Variants in PCDHGA7 observed in about 807,000 individuals in gnomAD.
PCDHGA7 encodes protocadherin gamma subfamily A, 7.
Under a neutral mutation model 58.3 loss-of-function variants are expected in PCDHGA7, and 44 were observed. The ratio of observed to expected loss-of-function variants is 0.75; its 90% CI spans 0.59 to 0.97. PCDHGA7 has a LOEUF of 0.97. PCDHGA7 is among the 50% of genes least tolerant of loss of function. PCDHGA7 has a pLI of 0.00. For missense variants in PCDHGA7, 1,266 were observed against 1,188.7 expected, an observed-to-expected ratio of 1.06 and a Z score of -0.96; for synonymous variants, 516 against 504.2, an observed-to-expected ratio of 1.02 and a Z score of -0.31.
At chr5:141,417,702 A>G (rs2096149298) in intron 1 of PCDHGA7, 2 of 1,199,336 alleles carry the variant, frequency 1.7e-6, no homozygotes, top group Non-Finnish European at 1.1e-6. Context: ...CAGCTCCCAC[A>G]CAGAGGCTCC....
At position 141,511,238 on chromosome 5, in the gene PCDHGA7, G is replaced by A; in HGVS notation, c.*65G>A. ...CAACCAGCCCAGCTTCTCCTTACCT[G>A]CACCCAGGCCTCAGAGTTTCAGGGC... On this transcript the variant is annotated 3_prime_UTR_variant, in exon 4 of 4. Coordinates refer to ENST00000518325, the MANE Select transcript of PCDHGA7 (RefSeq NM_018920.4). 6.3e-7 allele frequency: 1 copy of A among 1,589,142 alleles called. No homozygotes were observed. The highest frequency in any genetic ancestry group is 2.3e-5 in the East Asian group (1 of 43,302).
At chr5:141,454,625 C>T (rs1193628253) in intron 1 of PCDHGA7, among the ~76,000 whole-genome samples, 2 of 151,512 alleles carry the variant, frequency 1.3e-5, no homozygotes, top group East Asian at 1.9e-4. Flanking sequence ...AGGCTGGTCT[C>T]GAACCCCCAA....
At chr5:141,427,361 A>C in intron 1 of PCDHGA7, 1 of 457,772 alleles carries the variant, frequency 2.2e-6, no homozygotes, top group Non-Finnish European at 4.4e-6. Flanking sequence ...AGGACGCAGA[A>C]CCCTGGACGG....
chr5:141,415,837 A>G (rs1232795581), intron 1 of PCDHGA7: 1 of 1,272,340 alleles, frequency 7.9e-7, no homozygotes, highest in Admixed American at 4.0e-5. Flanking sequence ...TGTTATGATT[A>G]GCTTTGCAGA....
intron 1 of PCDHGA7, chr5:141,390,308 T>A (rs768472507): frequency 1.2e-6 from 2 of 1,613,092 alleles, no homozygotes; most frequent in African/African-American, 2.7e-5. Context: ...TATAATTTAA[T>A]GCTCATTGCC....
chr5:141,468,458 G>A (rs1047447240), intron 1 of PCDHGA7: 3 of 152,134 alleles, frequency 2.0e-5, no homozygotes, highest in African/African-American at 7.2e-5. Flanking sequence ...ATTAAAGCAA[G>A]TTATTTCTGA....
chr5:141,486,728 G>T lies in PCDHGA7; in HGVS notation c.2425-8079G>T. On this transcript the variant is annotated intron_variant, in intron 1 of 3. Coordinates refer to ENST00000518325, the MANE Select transcript of PCDHGA7 (RefSeq NM_018920.4). This position sits in a 1 kb window ranked among gnomAD's most constrained non-coding sequence, Gnocchi z 5.0. Reference sequence around the variant, plus strand: ...GAACCCCCAGACAGGAGCTGTTCATGCTACTCGATCCTTTGACTATGAGCA... The same window carrying T: ...GAACCCCCAGACAGGAGCTGTTCATTCTACTCGATCCTTTGACTATGAGCA... The T allele has an allele frequency of 6.2e-7, 1 of 1,614,200 alleles. No individual in the cohort carries two copies. The highest frequency in any genetic ancestry group is 8.5e-7 in the Non-Finnish European group (1 of 1,180,052).
intron 1 of PCDHGA7, chr5:141,421,930 G>T (rs780569992): frequency 3.1e-6 from 5 of 1,613,480 alleles, no homozygotes; most frequent in Non-Finnish European, 4.2e-6. Context: ...GGTGGTCCTC[G>T]ATGTAAATGA....
intron 1 of PCDHGA7, among the ~76,000 whole-genome samples, chr5:141,401,848 T>C (rs1476670200): frequency 6.6e-6 from 1 of 152,230 alleles, no homozygotes; most frequent in Non-Finnish European, 1.5e-5. Flanking sequence ...TACCACTTAC[T>C]TTTAACCTTT....
At chr5:141,388,611 A>T (rs773007125) in intron 1 of PCDHGA7, 13 of 1,613,850 alleles carry the variant, frequency 8.1e-6, no homozygotes, top group Non-Finnish European at 6.8e-6. Context: ...TCCAGTGTTC[A>T]GTCAAGACGT....
chr5:141,409,480 C>G, intron 1 of PCDHGA7: 1 of 1,614,002 alleles, frequency 6.2e-7, no homozygotes, highest in Non-Finnish European at 8.5e-7. Context: ...TAGCCACTGA[C>G]AGGGGCAAGC....
At chr5:141,455,920 C>T (rs941360102) in intron 1 of PCDHGA7, among the ~76,000 whole-genome samples, 1 of 147,944 alleles carries the variant, frequency 6.8e-6, no homozygotes, top group Non-Finnish European at 1.5e-5. Context: ...TATTTTGAGA[C>T]GGAGTCTCGC....
intron 1 of PCDHGA7, chr5:141,408,371 A>C (rs2095092452): frequency 6.2e-7 from 1 of 1,613,848 alleles, no homozygotes; most frequent in Non-Finnish European, 8.5e-7. Flanking sequence ...TCTAGGGCTC[A>C]GTGTCCTGGA....
At position 141,491,623 on chromosome 5, in the gene PCDHGA7, G is replaced by A. The variant is rs767724749; in HGVS notation, c.2425-3184G>A. The A allele has an allele frequency of 3.7e-6, 6 of 1,613,812 alleles. No homozygotes were observed. The highest frequency in any genetic ancestry group is 2.7e-5 in the African/African-American group (2 of 74,938). On this transcript the variant is annotated intron_variant, in intron 1 of 3. Transcript: ENST00000518325. This position sits in a 1 kb window ranked among gnomAD's most constrained non-coding sequence, Gnocchi z 6.9. ...CTTCACTTTTCTAAGACCCCTCAGC[G>A]TTCAGCAGCCCACAGCTCTGGCGCT...
At position 141,477,415 on chromosome 5, in the gene PCDHGA7, A is replaced by T. The variant is rs771293212; in HGVS notation, c.2425-17392A>T. On this transcript the variant is annotated intron_variant, in intron 1 of 3. Coordinates refer to ENST00000518325, the MANE Select transcript of PCDHGA7 (RefSeq NM_018920.4). This position sits in a 1 kb window ranked among gnomAD's most constrained non-coding sequence, Gnocchi z 4.9. ...TCAGCATCACCGCCCGAGACGCCGG[A>T]ACCCCTTCCCTCTCAGCCCTTACAA... 12 of 1,614,162 alleles carry T rather than the reference A, an allele frequency of 7.4e-6. No individual in the cohort carries two copies. The highest frequency in any genetic ancestry group is 1.0e-5 in the Non-Finnish European group (12 of 1,180,020).
At chr5:141,422,782 C>CG in intron 1 of PCDHGA7, 1 of 1,614,090 alleles carries the variant, frequency 6.2e-7, no homozygotes, top group South Asian at 1.1e-5. Context: ...CTATGCCCTA[C>CG]AATCCTTCGA....
chr5:141,504,546 G>A (rs911626023), intron 2 of PCDHGA7, among the ~76,000 whole-genome samples: 5 of 151,802 alleles, frequency 3.3e-5, no homozygotes, highest in African/African-American at 1.2e-4. Flanking sequence ...CATGGCAAAT[G>A]TTGGGGGACT....
chr5:141,491,022 C>T lies in PCDHGA7; in HGVS notation c.2425-3785C>T, dbSNP rs1431293281. 6.8e-6 allele frequency: 11 copies of T among 1,614,116 alleles called. No homozygotes were observed. Among genetic ancestry groups the T allele is most frequent in the East Asian group, 2.2e-5 (1 of 44,886 alleles). On this transcript the variant is annotated intron_variant, in intron 1 of 3. Coordinates refer to ENST00000518325, the MANE Select transcript of PCDHGA7 (RefSeq NM_018920.4). The surrounding 1 kb of genome is among the most constrained non-coding windows in gnomAD (Gnocchi z 6.9). ...GCTCCTTGGTCACCAAGGTGACAGCCGTGGATGCTGATGCAGGCCACAATG... is the reference window on the plus strand; with the variant it reads ...GCTCCTTGGTCACCAAGGTGACAGCTGTGGATGCTGATGCAGGCCACAATG...
At chr5:141,439,151 C>T (rs563575567) in intron 1 of PCDHGA7, among the ~76,000 whole-genome samples, 1 of 150,892 alleles carries the variant, frequency 6.6e-6, no homozygotes, top group Admixed American at 6.6e-5. Context: ...TGAGATCACG[C>T]CACTGCACTC....
Sources: allele counts gnomAD v4.1 joint callset (sites outside exome capture counted in the v4.1 genomes callset), GRCh38; gene constraint gnomAD v4.1.1; non-coding constraint Gnocchi (gnomAD v3.1); transcripts MANE v1.5; gene names NCBI Gene and HGNC (gene_info 2026-07-23, HGNC 2026-07-21).